DCDC1: variants seen among roughly 807,000 people sequenced by gnomAD.
DCDC1 encodes doublecortin domain-containing protein 1.
Under a neutral mutation model 178.3 loss-of-function variants are expected in DCDC1, and 200 were observed. The observed-to-expected ratio is 1.12, with a 90% confidence interval of 1.00 to 1.26. The LOEUF is 1.26. Ranked by LOEUF, DCDC1 falls within the 50% of genes most tolerant of loss-of-function variation. DCDC1 has a pLI of 0.00. For synonymous variants in DCDC1, 690 were observed against 604.8 expected (o/e 1.14, Z -2.07); for missense variants, 1,983 against 1,749.2 (o/e 1.13, Z -2.38).
intron 20 of DCDC1, among the ~76,000 whole-genome samples, chr11:31,032,310 G>T (rs1054817156): frequency 6.6e-6 from 1 of 152,124 alleles, no homozygotes; most frequent in African/African-American, 2.4e-5. Flanking sequence ...AACATTTTAA[G>T]TACTAATATT....
chr11:31,069,253 A>C lies in DCDC1; in HGVS notation c.2299-4100T>G, dbSNP rs184170065. Among the ~76,000 whole-genome samples, 99 of 152,332 alleles carry C rather than the reference A, an allele frequency of 6.5e-4. 1 individual carries two copies. Among genetic ancestry groups the C allele is most frequent in the African/African-American group, 2.3e-3 (95 of 41,572 alleles). On this transcript the variant is annotated intron_variant, in intron 18 of 38. Coordinates refer to ENST00000684477, the MANE Select transcript of DCDC1 (RefSeq NM_001387274.1). ...ATATTATTGCACACACTATTCAGAT[A>C]ATTTTGGAACGAGATTTTTGAATCA...
chr11:30,970,036 G>A (rs1949691020), intron 20 of DCDC1, among the ~76,000 whole-genome samples: 1 of 152,114 alleles, frequency 6.6e-6, no homozygotes, highest in Non-Finnish European at 1.5e-5. Flanking sequence ...AACACCAAAA[G>A]CAAGGAAGGA....
At chr11:31,101,937 C>A (rs1958529869) in intron 15 of DCDC1, among the ~76,000 whole-genome samples, 2 of 152,166 alleles carry the variant, frequency 1.3e-5, no homozygotes, top group South Asian at 4.2e-4. Context: ...ATTAGCCAGG[C>A]ATGGTGGCGC....
chr11:31,088,029 T>C (rs1349640724), intron 17 of DCDC1, among the ~76,000 whole-genome samples: 5 of 152,112 alleles, frequency 3.3e-5, no homozygotes, highest in Non-Finnish European at 7.4e-5. Context: ...ATCGTTATGT[T>C]CTCGTGATAA....
intron 20 of DCDC1, among the ~76,000 whole-genome samples, chr11:31,035,347 C>T (rs1393971213): frequency 6.6e-6 from 1 of 152,126 alleles, no homozygotes; most frequent in African/African-American, 2.4e-5. Context: ...TTCCAGGATC[C>T]AATCCAGGAT....
chr11:30,925,850 T>G (rs939477298), intron 22 of DCDC1, among the ~76,000 whole-genome samples: 1 of 152,146 alleles, frequency 6.6e-6, no homozygotes, highest in Non-Finnish European at 1.5e-5. Context: ...TTCTCCAAGG[T>G]TGTCAAAGTC....
In DCDC1 at chr11:31,360,480, CAT is replaced by C. The variant is rs373162703; in HGVS notation, c.-125+9215_-125+9216del. Reference sequence around the variant, plus strand: ...ACTATGTTTTTTCCTATCATATACACATATGATAAAGTTTAACTTATAAATTA... The same window carrying C: ...ACTATGTTTTTTCCTATCATATACACATGATAAAGTTTAACTTATAAATTA... On this transcript the variant is annotated intron_variant, in intron 1 of 38. Transcript: ENST00000684477. Among the ~76,000 whole-genome samples, 447 of 152,218 alleles carry C rather than the reference CAT, an allele frequency of 2.9e-3. 2 individuals carry two copies. Among genetic ancestry groups the C allele is most frequent in the African/African-American group, 9.9e-3 (412 of 41,530 alleles).
intron 22 of DCDC1, among the ~76,000 whole-genome samples, chr11:30,930,929 AG>A (rs1946886089): frequency 6.6e-6 from 1 of 152,150 alleles, no homozygotes; most frequent in Admixed American, 6.6e-5. Flanking sequence ...TCATCTTTAC[AG>A]GCAGTTCAGT....
chr11:31,335,324 A>C (rs1204887572), intron 2 of DCDC1, 123 bp downstream of exon 2: 1 of 152,240 alleles, frequency 6.6e-6, no homozygotes, highest in Non-Finnish European at 1.5e-5. Context: ...TCCCTTGGCT[A>C]GGAAGGGGAA....
At chr11:31,251,804 G>T (rs1015824156) in intron 8 of DCDC1, among the ~76,000 whole-genome samples, 3 of 152,134 alleles carry the variant, frequency 2.0e-5, no homozygotes, top group Non-Finnish European at 2.9e-5. Flanking sequence ...AGGATAGGGT[G>T]AGAGAGAATC....
intron 20 of DCDC1, among the ~76,000 whole-genome samples, chr11:30,968,770 T>C (rs290060): frequency 0.021 from 2,953 of 138,354 alleles, 150 homozygotes; most frequent in African/African-American, 0.077. Flanking sequence ...AGGCATCCAC[T>C]AGGGGTCTTG....
intron 9 of DCDC1, among the ~76,000 whole-genome samples, chr11:31,207,913 C>G (rs1972062093): frequency 6.6e-6 from 1 of 152,184 alleles, no homozygotes; most frequent in Non-Finnish European, 1.5e-5. Flanking sequence ...CTTTAATCAT[C>G]AGCAGTATCT....
At chr11:31,322,853 T>TAAA (rs1949440862) in intron 3 of DCDC1, among the ~76,000 whole-genome samples, 1 of 152,244 alleles carries the variant, frequency 6.6e-6, no homozygotes, top group Admixed American at 6.5e-5. Flanking sequence ...AGTTGAATTT[T>TAAA]GTTACTTTCC....
intron 20 of DCDC1, among the ~76,000 whole-genome samples, chr11:30,988,601 C>T (rs557711984): frequency 6.6e-6 from 1 of 152,288 alleles, no homozygotes; most frequent in East Asian, 1.9e-4. Context: ...AAGCCTTTCT[C>T]TATCTACAGC....
chr11:31,147,932 C>G (rs1171953340), intron 9 of DCDC1, among the ~76,000 whole-genome samples: 1 of 152,170 alleles, frequency 6.6e-6, no homozygotes, highest in Admixed American at 6.5e-5. Flanking sequence ...TGGCTCCCTT[C>G]ATGACTATCT....
intron 6 of DCDC1, among the ~76,000 whole-genome samples, chr11:31,291,730 T>C (rs148616688): frequency 6.6e-6 from 1 of 152,144 alleles, no homozygotes; most frequent in African/African-American, 2.4e-5. Flanking sequence ...CCCTCCCTCA[T>C]CTGCTCTTAT....
At position 31,192,056 on chromosome 11, in the gene DCDC1, C is replaced by T. The variant is rs1970192277; in HGVS notation, c.1221+49394G>A. Among the ~76,000 whole-genome samples, 4 of 152,116 alleles carry T rather than the reference C, an allele frequency of 2.6e-5. No homozygotes were observed. The South Asian group carries it at 8.3e-4, about 32-fold the overall frequency. On this transcript the variant is annotated intron_variant, in intron 9 of 38. Coordinates refer to ENST00000684477, the MANE Select transcript of DCDC1 (RefSeq NM_001387274.1). ...CAAACCAGAAACCAGGGAGCCATGC[C>T]TTCCCTTTCCTTATCCAGGTAATCA... is the stretch of plus-strand genomic sequence containing the variant.
intron 20 of DCDC1, among the ~76,000 whole-genome samples, chr11:31,047,319 T>G (rs747905841): frequency 6.6e-6 from 1 of 152,182 alleles, no homozygotes; most frequent in Non-Finnish European, 1.5e-5. Flanking sequence ...TCTGTTATTG[T>G]GTTGTCATTG....
chr11:31,300,970 G>T (rs1948073209), intron 6 of DCDC1, among the ~76,000 whole-genome samples: 1 of 152,122 alleles, frequency 6.6e-6, no homozygotes, highest in South Asian at 2.1e-4. Flanking sequence ...GCAGGCTATA[G>T]ATTTTCCTAC....
Sources: gnomAD v4.1 joint callset for allele counts (sites outside exome capture counted in the v4.1 genomes callset) on GRCh38, gnomAD v4.1.1 for gene constraint, MANE v1.5 for transcripts, NCBI Gene and HGNC (gene_info 2026-07-23, HGNC 2026-07-21) for gene names.